Variants in FAN1 observed in about 807,000 individuals in gnomAD.
FAN1 encodes the protein fanconi-associated nuclease 1.
FAN1 carries 91 observed loss-of-function variants against 104.9 expected under a neutral mutation model. That is an observed-to-expected ratio of 0.87 (90% CI 0.73 to 1.03). The LOEUF (loss-of-function observed/expected upper bound fraction) is 1.03. Among genes scored for constraint, FAN1 ranks in the 50% least tolerant of loss-of-function variants. The probability of loss-of-function intolerance (pLI) is 0.00; values close to 1 mark genes in which losing one functional copy is unlikely to be tolerated. For missense variants in FAN1, 1,263 were observed against 1,239.9 expected (o/e 1.02, Z -0.28); for synonymous variants, 478 against 457.6 (o/e 1.04, Z -0.57).
chr15:30,938,891 CT>C (rs1453395961), intron 14 of FAN1: 2 of 983,768 alleles, frequency 2.0e-6, no homozygotes, highest in African/African-American at 3.5e-5. Flanking sequence ...GCCTTCACCT[CT>C]TCTATCAATC....
rs1260069177 is a variant in FAN1, at chr15:30,905,169, C to G, written c.506C>G (p.Ser169Ter). The change falls in exon 2 of 15, where the codon TCA (serine) becomes TGA (stop). Residue 169 changes from serine to a stop codon, truncating the protein, a stop_gained. Coordinates refer to ENST00000362065, the MANE Select transcript of FAN1 (RefSeq NM_014967.5). LOFTEE classifies it high-confidence loss of function. ...LSRKYVKAKKSIDKDEEFAGS... is the reference protein window; with the variant it reads ...LSRKYVKAKK ...AGAAAATACGTAAAGGCTAAAAAAT[C>G]AATAGATAAGGATGAAGAATTTGCC... is the stretch of plus-strand genomic sequence containing the variant. 1.1e-5 allele frequency: 18 copies of G among 1,613,596 alleles called. No homozygotes were observed. Among genetic ancestry groups the G allele is most frequent in the African/African-American group, 1.3e-5 (1 of 74,890 alleles).
chr15:30,938,947 C>T (rs1231433748), intron 14 of FAN1: 24 of 985,234 alleles, frequency 2.4e-5, no homozygotes, highest in Middle Eastern at 5.2e-4. Context: ...AACAAACAGT[C>T]GCTGTGGAAT....
chr15:30,926,509 G>T (rs556326926), intron 10 of FAN1: 285 of 404,618 alleles, frequency 7.0e-4, no homozygotes, highest in African/African-American at 5.8e-3. Context: ...AGATTAACAA[G>T]TACTATAGAA....
chr15:30,927,947 G>A, intron 10 of FAN1: 1 of 985,848 alleles, frequency 1.0e-6, no homozygotes, highest in Non-Finnish European at 1.2e-6. Flanking sequence ...GACGTGAGGA[G>A]GGGCACTGAA....
At chr15:30,914,310 G>C (rs914561125) in intron 5 of FAN1, among the ~76,000 whole-genome samples, 3 of 91,200 alleles carry the variant, frequency 3.3e-5, no homozygotes, top group Admixed American at 2.7e-4. Context: ...TTTTGAGTTA[G>C]AACTACAAAA....
chr15:30,941,576 G>C lies in FAN1; in HGVS notation c.*14G>C. 6.2e-7 allele frequency: 1 copy of C among 1,600,274 alleles called. No homozygotes were observed. Among genetic ancestry groups the C allele is most frequent in the Non-Finnish European group, 8.5e-7 (1 of 1,172,856 alleles). On this transcript the variant is annotated 3_prime_UTR_variant, in exon 15 of 15. Transcript: ENST00000362065. ...GCTTCGTCTGCACAGATTCCCTACA[G>C]GAGAAAATGGAAATGAGGAGGAGAG...
At chr15:30,934,884 A>G (rs1274467489) in intron 13 of FAN1, among the ~76,000 whole-genome samples, 1 of 152,190 alleles carries the variant, frequency 6.6e-6, no homozygotes, top group African/African-American at 2.4e-5. Flanking sequence ...TTTTACTTCT[A>G]CGTGTTATAT....
intron 8 of FAN1, among the ~76,000 whole-genome samples, chr15:30,923,143 C>T (rs766317786): frequency 6.6e-6 from 1 of 152,230 alleles, no homozygotes; most frequent in Non-Finnish European, 1.5e-5. Context: ...AAAACGACCA[C>T]TGGTTAGGAA....
At chr15:30,940,112 T>C (rs2062988853) in intron 14 of FAN1, 1 of 985,346 alleles carries the variant, frequency 1.0e-6, no homozygotes, top group South Asian at 4.7e-5. Flanking sequence ...AAATTTTCCA[T>C]ATCTTAGGAT....
At chr15:30,912,932 C>G (rs1028112473) in intron 4 of FAN1, among the ~76,000 whole-genome samples, 1 of 152,186 alleles carries the variant, frequency 6.6e-6, no homozygotes, top group Non-Finnish European at 1.5e-5. Context: ...CCACATGGTC[C>G]TGGATTTAAT....
chr15:30,938,904 C>G (rs2062945678), intron 14 of FAN1: 3 of 984,722 alleles, frequency 3.0e-6, no homozygotes, highest in East Asian at 1.1e-4. Flanking sequence ...CTATCAATCA[C>G]TGTGTTCCAG....
intron 4 of FAN1, among the ~76,000 whole-genome samples, chr15:30,912,121 A>G (rs2140911406): frequency 6.6e-6 from 1 of 152,324 alleles, no homozygotes; most frequent in East Asian, 1.9e-4. Flanking sequence ...TAGAACAGAT[A>G]AAGTAAATAA....
intron 2 of FAN1, among the ~76,000 whole-genome samples, chr15:30,907,442 C>T (rs2062006249): frequency 6.6e-6 from 1 of 151,934 alleles, no homozygotes; most frequent in Admixed American, 6.5e-5. Flanking sequence ...GGCATGAACC[C>T]AGGAGGCAGA....
At chr15:30,932,526 A>G (rs1467948121) in intron 13 of FAN1, among the ~76,000 whole-genome samples, 4 of 152,094 alleles carry the variant, frequency 2.6e-5, no homozygotes, top group Admixed American at 2.6e-4. Flanking sequence ...TTCCCCAGTG[A>G]AGCAGTATGG....
intron 14 of FAN1, chr15:30,939,389 AC>A: frequency 1.0e-6 from 1 of 985,430 alleles, no homozygotes; most frequent in South Asian, 4.7e-5. Context: ...CAGCCACACC[AC>A]TGCTGTCACC....
intron 13 of FAN1, among the ~76,000 whole-genome samples, chr15:30,933,401 C>G (rs970874306): frequency 2.0e-5 from 3 of 152,204 alleles, no homozygotes; most frequent in Non-Finnish European, 2.9e-5. Flanking sequence ...AGAAGTGAGT[C>G]ATTTACATTT....
At chr15:30,935,705 A>T (rs2062833894) in intron 13 of FAN1, among the ~76,000 whole-genome samples, 1 of 152,192 alleles carries the variant, frequency 6.6e-6, no homozygotes, top group Non-Finnish European at 1.5e-5. Flanking sequence ...TGTATGTCTT[A>T]GCCTTTATTT....
At chr15:30,940,544 T>C (rs11538704) in intron 14 of FAN1, 45,327 of 985,528 alleles carry the variant, frequency 0.046, 1,152 homozygotes, top group South Asian at 0.052. Flanking sequence ...GAAATACTGA[T>C]GGCCAAGCCC....
intron 5 of FAN1, 33 bp downstream of exon 5, chr15:30,914,124 A>G (rs1445198417): frequency 3.5e-6 from 5 of 1,420,184 alleles, no homozygotes; most frequent in South Asian, 2.4e-5. Context: ...TAATGTCTAT[A>G]TGTGTATTTC....
Sources: gnomAD v4.1 joint callset for allele counts (sites outside exome capture counted in the v4.1 genomes callset) on GRCh38, gnomAD v4.1.1 for gene constraint, MANE v1.5 for transcripts, NCBI Gene and HGNC (gene_info 2026-07-23, HGNC 2026-07-21) for gene names.